Variants in HEPACAM observed in about 807,000 individuals in gnomAD.
HEPACAM encodes the protein hepatocyte cell adhesion molecule.
In HEPACAM, 18 loss-of-function variants were observed where a neutral mutation model predicts 38.3. The observed-to-expected ratio is 0.47, with a 90% CI of 0.33 to 0.70. The LOEUF (loss-of-function observed/expected upper bound fraction) is 0.70, where lower values mean the gene tolerates loss of function less well. Ranked by LOEUF, HEPACAM falls within the 30% of genes least tolerant of loss-of-function variation. The pLI is 0.03. For synonymous variants in HEPACAM, 216 were observed against 243.1 expected (o/e 0.89, Z 1.04); for missense variants, 466 against 563.0 (o/e 0.83, Z 1.74).
rs749591373 is a variant in HEPACAM at position 124,936,028 on chromosome 11, C to G, written c.-22G>C. On this transcript the variant is annotated 5_prime_UTR_variant, in exon 1 of 7. Coordinates refer to ENST00000298251, the MANE Select transcript of HEPACAM (RefSeq NM_152722.5). ...TCATTTTGGGTGGCGTTCTCCAGCTCTAGTGCAGACAATTAGCATGATTTC... is the reference window on the plus strand; with the variant it reads ...TCATTTTGGGTGGCGTTCTCCAGCTGTAGTGCAGACAATTAGCATGATTTC... 1.9e-6 allele frequency: 3 copies of G among 1,602,316 alleles called. No homozygotes were observed. The highest frequency in any genetic ancestry group is 2.6e-6 in the Non-Finnish European group (3 of 1,169,634).
In HEPACAM at chr11:124,924,120, A is replaced by C; in HGVS notation, c.428-110T>G. On this transcript the variant is annotated intron_variant, in intron 2 of 6. Coordinates refer to ENST00000298251, the MANE Select transcript of HEPACAM (RefSeq NM_152722.5). The surrounding 1 kb of genome is among the most constrained non-coding windows in gnomAD (Gnocchi z 4.4). The stretch of plus-strand genomic sequence containing the variant: ...ACCTTTAACACTACCTTCCAACTCA[A>C]TCTGTGGGCTGAGAAGACTTCAGAC... The C allele has an allele frequency of 5.7e-6, 6 of 1,045,606 alleles. No individual in the cohort carries two copies. Among genetic ancestry groups the C allele is most frequent in the Non-Finnish European group, 8.5e-6 (6 of 702,502 alleles). The allele number at this position is 1,045,606 out of a possible 1,614,324, so 64.8% of individuals were successfully genotyped here.
intron 1 of HEPACAM, among the ~76,000 whole-genome samples, chr11:124,925,331 T>A (rs533324677): frequency 2.3e-4 from 35 of 152,258 alleles, no homozygotes; most frequent in Non-Finnish European, 4.6e-4. Context: ...GCACTTTGTC[T>A]ATTGCCTTTC....
In HEPACAM at chr11:124,920,965, C is replaced by G. The variant is rs1173262783; in HGVS notation, c.*173G>C. 1 of 1,365,788 alleles carries G rather than the reference C, an allele frequency of 7.3e-7. No homozygotes were observed. Among genetic ancestry groups the G allele is most frequent in the Non-Finnish European group, 9.4e-7 (1 of 1,063,178 alleles). The allele number at this position is 1,365,788 out of a possible 1,614,324, so 84.6% of individuals were successfully genotyped here. A position where few individuals can be genotyped will look rare whatever the true frequency, so the allele number is the denominator to read the frequency against. On this transcript the variant is annotated 3_prime_UTR_variant, in exon 7 of 7. Coordinates refer to ENST00000298251, the MANE Select transcript of HEPACAM (RefSeq NM_152722.5). ...TTCACCATATCAACACTGCCGCCTCCGCGCACCCGCCTCCGTCTGCGCATG... is the reference window on the plus strand; with the variant it reads ...TTCACCATATCAACACTGCCGCCTCGGCGCACCCGCCTCCGTCTGCGCATG...
rs1191067689 is a variant in HEPACAM at position 124,921,301 on chromosome 11, C to A, written c.1088G>T (p.Arg363Leu). ...GGTGGCTGGGGAGCGCGCTGGGGAG[C>A]GCGGGTAGCGGCGGGCAGAGCGGAT... Reference protein sequence around the residue: ...LPIRSARRYPRSPARSPATGR... With the variant: ...LPIRSARRYPLSPARSPATGR... Residue 363 changes from arginine (R) to leucine (L), a missense_variant, in exon 7 of 7, where the codon CGC (arginine) becomes CTC (leucine). Transcript: ENST00000298251. The surrounding 1 kb of genome is among the most constrained non-coding windows in gnomAD (Gnocchi z 4.6). 1 of 1,305,926 alleles carries A rather than the reference C, an allele frequency of 7.7e-7. No homozygotes were observed. Among genetic ancestry groups the A allele is most frequent in the Non-Finnish European group, 9.7e-7 (1 of 1,034,326 alleles). The allele number at this position is 1,305,926 out of a possible 1,614,324, so 80.9% of individuals were successfully genotyped here.
chr11:124,924,667 G>T lies in HEPACAM; in HGVS notation c.427+61C>A. On this transcript the variant is annotated intron_variant, in intron 2 of 6. Coordinates refer to ENST00000298251, the MANE Select transcript of HEPACAM (RefSeq NM_152722.5). This position sits in a 1 kb window ranked among gnomAD's most constrained non-coding sequence, Gnocchi z 4.4. ...TTCCCTCAGTCTAGCTGGTGCGCTG[G>T]GCAGACCTTTCCCTAGTCCCACCTG... 6.9e-7 allele frequency: 1 copy of T among 1,458,480 alleles called. No homozygotes were observed. The highest frequency in any genetic ancestry group is 9.6e-7 in the Non-Finnish European group (1 of 1,040,082). 90.3% of individuals were successfully genotyped at this position (1,458,480 alleles called of 1,614,324 possible).
chr11:124,922,603 T>A (rs1947155305), intron 5 of HEPACAM, 142 bp downstream of exon 5: 4 of 1,610,164 alleles, frequency 2.5e-6, no homozygotes. Context: ...GCCAAACCTT[T>A]CCCTCCTCTG....
At chr11:124,926,602 G>A (rs920534657) in intron 1 of HEPACAM, among the ~76,000 whole-genome samples, 30 of 152,160 alleles carry the variant, frequency 2.0e-4, no homozygotes, top group African/African-American at 6.3e-4. Flanking sequence ...AGAGGACGCC[G>A]GTTGGGAGCA....
At chr11:124,935,827 C>T (rs1947338400) in intron 1 of HEPACAM, 95 bp downstream of exon 1, 3 of 1,013,916 alleles carry the variant, frequency 3.0e-6, no homozygotes, top group Non-Finnish European at 4.6e-6. Flanking sequence ...CCCACTCCTG[C>T]CCCAAAGGCA....
At chr11:124,923,263 AAG>A in intron 4 of HEPACAM, 75 bp downstream of exon 4, 2 of 969,092 alleles carry the variant, frequency 2.1e-6, no homozygotes, top group Admixed American at 3.4e-5. Flanking sequence ...AAGGCATTTA[AAG>A]AGACTTAAGA....
Position 124,919,266 on chromosome 11 carries a change from T to C in HEPACAM, c.*1872A>G, listed in dbSNP as rs891250803. 4.5e-5 allele frequency: 7 copies of C among 156,210 alleles called. No homozygotes were observed. Among genetic ancestry groups the C allele is most frequent in the African/African-American group, 1.7e-4 (7 of 41,560 alleles). 9.7% of individuals were successfully genotyped at this position (156,210 alleles called of 1,614,324 possible). On this transcript the variant is annotated 3_prime_UTR_variant, in exon 7 of 7. Coordinates refer to ENST00000298251, the MANE Select transcript of HEPACAM (RefSeq NM_152722.5). ...TCATTTCATTTCATCAAAAGTTTAT[T>C]GAGCATCCAGTATGTGCTAGGCACT...
rs1272219406 is a variant in HEPACAM, at chr11:124,924,032, G to A, written c.428-22C>T. The A allele has an allele frequency of 2.5e-6, 4 of 1,596,810 alleles. No homozygotes were observed. The South Asian group carries it at 4.5e-5, about 18-fold the overall frequency. On this transcript the variant is annotated intron_variant, in intron 2 of 6. Coordinates refer to ENST00000298251, the MANE Select transcript of HEPACAM (RefSeq NM_152722.5). This position sits in a 1 kb window ranked among gnomAD's most constrained non-coding sequence, Gnocchi z 4.4. ...GGCACTGAGCCGCAGGAATGGGGGAGCCTGTAAGTCATTGGCTAAGAAGTG... is the reference window on the plus strand; with the variant it reads ...GGCACTGAGCCGCAGGAATGGGGGAACCTGTAAGTCATTGGCTAAGAAGTG...
Position 124,921,523 on chromosome 11 carries a change from C to T in HEPACAM, c.949-83G>A. 2.2e-6 allele frequency: 2 copies of T among 910,094 alleles called. No individual in the cohort carries two copies. The highest frequency in any genetic ancestry group is 2.9e-6 in the Non-Finnish European group (2 of 694,620). The allele number at this position is 910,094 out of a possible 1,614,324, so 56.4% of individuals were successfully genotyped here. A position where few individuals can be genotyped will look rare whatever the true frequency, so the allele number is the denominator to read the frequency against. ...CTGGTGTTAGAGCTTGCTGGAATTCCGAGGGGAGGGACCTAGTTTCCCTCT... is the reference window on the plus strand; with the variant it reads ...CTGGTGTTAGAGCTTGCTGGAATTCTGAGGGGAGGGACCTAGTTTCCCTCT... On this transcript the variant is annotated intron_variant, in intron 6 of 6. Transcript: ENST00000298251. The surrounding 1 kb of genome is among the most constrained non-coding windows in gnomAD (Gnocchi z 4.6).
rs1947117800 is a variant in HEPACAM at position 124,920,677 on chromosome 11, GC to G, written c.*460del. ...AAAGTGGCCTCTCTAATCTGAACTT[GC>G]AAAAAAAAAAAAAAAAAAAAAAAAA... On this transcript the variant is annotated 3_prime_UTR_variant, in exon 7 of 7. Transcript: ENST00000298251. The G allele has an allele frequency of 2.7e-3, 291 of 108,100 alleles. 4 individuals are homozygous for G. Among genetic ancestry groups the G allele is most frequent in the South Asian group, 5.6e-3 (32 of 5,746 alleles). The allele number at this position is 108,100 out of a possible 1,614,324, so 6.7% of individuals were successfully genotyped here. A position where few individuals can be genotyped will look rare whatever the true frequency, so the allele number is the denominator to read the frequency against.
Position 124,919,497 on chromosome 11 carries a change from T to G in HEPACAM, c.*1641A>C, listed in dbSNP as rs1024725774. ...GTGCATCTCAAGGCTGACCAGCAGGTACTCCTTATCCAAGTCCTGCTGCCT... is the reference window on the plus strand; with the variant it reads ...GTGCATCTCAAGGCTGACCAGCAGGGACTCCTTATCCAAGTCCTGCTGCCT... On this transcript the variant is annotated 3_prime_UTR_variant, in exon 7 of 7. Transcript: ENST00000298251. 2 of 539,438 alleles carry G rather than the reference T, an allele frequency of 3.7e-6. No homozygotes were observed. The highest frequency in any genetic ancestry group is 3.8e-5 in the African/African-American group (2 of 52,940). The allele number at this position is 539,438 out of a possible 1,614,324, so 33.4% of individuals were successfully genotyped here. A position where few individuals can be genotyped will look rare whatever the true frequency, so the allele number is the denominator to read the frequency against.
chr11:124,920,909 G>A lies in HEPACAM; in HGVS notation c.*229C>T. On this transcript the variant is annotated 3_prime_UTR_variant, in exon 7 of 7. Transcript: ENST00000298251. Reference sequence around the variant, plus strand: ...ACAACCTATACCAAGTGAGGACACAGCCAGTAAACCGGAAGCAAATGCGAC... The same window carrying A: ...ACAACCTATACCAAGTGAGGACACAACCAGTAAACCGGAAGCAAATGCGAC... 7.4e-7 allele frequency: 1 copy of A among 1,356,180 alleles called. No homozygotes were observed. Among genetic ancestry groups the A allele is most frequent in the Non-Finnish European group, 9.5e-7 (1 of 1,057,190 alleles). The allele number at this position is 1,356,180 out of a possible 1,614,324, so 84.0% of individuals were successfully genotyped here. A position where few individuals can be genotyped will look rare whatever the true frequency, so the allele number is the denominator to read the frequency against.
At chr11:124,927,686 A>G (rs1466766212) in intron 1 of HEPACAM, among the ~76,000 whole-genome samples, 6 of 152,032 alleles carry the variant, frequency 3.9e-5, no homozygotes, top group Admixed American at 6.6e-5. Flanking sequence ...CTGACATTCT[A>G]TGATTCATTA....
chr11:124,924,918 C>A lies in HEPACAM; in HGVS notation c.237G>T (p.Val79=). 6.2e-7 allele frequency: 1 copy of A among 1,614,194 alleles called. No homozygotes were observed. Among genetic ancestry groups the A allele is most frequent in the Admixed American group, 1.7e-5 (1 of 60,026 alleles). The change falls in exon 2 of 7, where the codon GTG becomes GTT. Residue 79 remains valine (V), a synonymous_variant. Coordinates refer to ENST00000298251, the MANE Select transcript of HEPACAM (RefSeq NM_152722.5). The surrounding 1 kb of genome is among the most constrained non-coding windows in gnomAD (Gnocchi z 4.4). ...WQLKRDKPVT[V]VQSIGTEVIG... is the part of the protein sequence containing the mutation. Reference sequence around the variant, plus strand: ...TGACCTCTGTGCCAATGGACTGCACCACGGTCACTGGCTTGTCCCGCTTCA... The same window carrying A: ...TGACCTCTGTGCCAATGGACTGCACAACGGTCACTGGCTTGTCCCGCTTCA...
intron 1 of HEPACAM, among the ~76,000 whole-genome samples, chr11:124,932,527 G>GT (rs1464352193): frequency 6.6e-6 from 1 of 152,204 alleles, no homozygotes; most frequent in Non-Finnish European, 1.5e-5. Context: ...CAGGGGCAGA[G>GT]TATTAAAGAC....
Position 124,920,812 on chromosome 11 carries a change from G to A in HEPACAM, c.*326C>T. ...GGATAGTCACGGGGGTTAGGTTACTGATGTTAGTTTCCATAAAACCCTTTT... is the reference window on the plus strand; with the variant it reads ...GGATAGTCACGGGGGTTAGGTTACTAATGTTAGTTTCCATAAAACCCTTTT... On this transcript the variant is annotated 3_prime_UTR_variant, in exon 7 of 7. Transcript: ENST00000298251. 1 of 1,135,578 alleles carries A rather than the reference G, an allele frequency of 8.8e-7. No individual in the cohort carries two copies. The highest frequency in any genetic ancestry group is 1.1e-6 in the Non-Finnish European group (1 of 926,230). The allele number at this position is 1,135,578 out of a possible 1,614,324, so 70.3% of individuals were successfully genotyped here.
Sources: allele counts gnomAD v4.1 joint callset (sites outside exome capture counted in the v4.1 genomes callset), GRCh38; gene constraint gnomAD v4.1.1; non-coding constraint Gnocchi (gnomAD v3.1); transcripts MANE v1.5; gene names NCBI Gene and HGNC (gene_info 2026-07-23, HGNC 2026-07-21).